Variants in KDM4A observed in about 807,000 individuals in gnomAD.
KDM4A encodes the protein lysine-specific demethylase 4A.
Under a neutral mutation model 127.1 loss-of-function variants are expected in KDM4A, and 23 were observed. The observed-to-expected ratio is 0.18, with a 90% CI of 0.13 to 0.26. KDM4A has a LOEUF of 0.26. Among genes scored for constraint, KDM4A ranks in the 10% least tolerant of loss-of-function variants. The probability of loss-of-function intolerance (pLI) is 1.00; values close to 1 mark genes in which losing one functional copy is unlikely to be tolerated. For missense variants in KDM4A, 890 were observed against 1,329.1 expected (o/e 0.67, Z 5.14); for synonymous variants, 443 against 466.5 (o/e 0.95, Z 0.65).
intron 12 of KDM4A, among the ~76,000 whole-genome samples, chr1:43,686,257 C>G (rs571102352): frequency 6.9e-6 from 1 of 144,670 alleles, no homozygotes; most frequent in Non-Finnish European, 1.5e-5. Context: ...CTCCTGGTCT[C>G]GAACTCCTGA....
In KDM4A at chr1:43,660,315, A is replaced by G; in HGVS notation, c.332A>G (p.Tyr111Cys). 1.9e-6 allele frequency: 3 copies of G among 1,614,124 alleles called. No individual in the cohort carries two copies. The highest frequency in any genetic ancestry group is 2.2e-5 in the South Asian group (2 of 91,070). The change falls in exon 4 of 22, where the codon TAT becomes TGT. Residue 111 changes from tyrosine (Y) to cysteine (C), a missense_variant. Transcript: ENST00000372396. ...TCAAAAAGGTACTGTACCCCACGCT[A>G]TAGTGAGTTTGAAGAGCTCGAGCGG... is the stretch of plus-strand genomic sequence containing the variant. Reference protein sequence around the residue: ...ANSDKYCTPRYSEFEELERKY... With the variant: ...ANSDKYCTPRCSEFEELERKY...
At position 43,690,709 on chromosome 1, in the gene KDM4A, G is replaced by A; in HGVS notation, c.2038-136G>A. 3.6e-6 allele frequency: 3 copies of A among 826,442 alleles called. No individual in the cohort carries two copies. The South Asian group carries it at 4.3e-5, about 12-fold the overall frequency. The allele number at this position is 826,442 out of a possible 1,614,324, so 51.2% of individuals were successfully genotyped here. On this transcript the variant is annotated intron_variant, in intron 13 of 21. Transcript: ENST00000372396. ...AGGTAACTTCAATTAGCAGCTCCGG[G>A]ATAATGGCTGTGCACCCGGGAGCTG... is the stretch of plus-strand genomic sequence containing the variant.
intron 3 of KDM4A, 33 bp from the exon 4 acceptor site, chr1:43,660,265 G>A: frequency 6.2e-7 from 1 of 1,601,432 alleles, no homozygotes; most frequent in Non-Finnish European, 8.5e-7. Flanking sequence ...ACCCCTGTAA[G>A]TGGTTTACAT....
chr1:43,685,812 A>G (rs1660961186), intron 12 of KDM4A, among the ~76,000 whole-genome samples: 1 of 152,064 alleles, frequency 6.6e-6, no homozygotes, highest in Admixed American at 6.6e-5. Context: ...GGTGGGGAAT[A>G]TCCCTTCTGT....
intron 10 of KDM4A, among the ~76,000 whole-genome samples, chr1:43,669,540 G>A (rs1660572394): frequency 6.6e-6 from 1 of 152,138 alleles, no homozygotes; most frequent in Non-Finnish European, 1.5e-5. Context: ...TTTTGGTGAA[G>A]GTGACTCTTA....
intron 2 of KDM4A, among the ~76,000 whole-genome samples, chr1:43,654,300 C>G: frequency 6.6e-6 from 1 of 152,252 alleles, no homozygotes; most frequent in East Asian, 1.9e-4. Context: ...CATCCACCTT[C>G]TCCAGTGCCG....
chr1:43,692,163 G>A, intron 15 of KDM4A, 93 bp from the exon 16 acceptor site: 1 of 1,078,742 alleles, frequency 9.3e-7, no homozygotes, highest in African/African-American at 1.5e-5. Context: ...TTTCTTATGT[G>A]GAGGAGTTGC....
chr1:43,702,941 G>A (rs1438999321), intron 19 of KDM4A, among the ~76,000 whole-genome samples: 1 of 151,882 alleles, frequency 6.6e-6, no homozygotes, highest in African/African-American at 2.4e-5. Flanking sequence ...TGAGGCAGGA[G>A]GATTGCTAGA....
At chr1:43,674,294 C>T (rs1404607958) in intron 11 of KDM4A, among the ~76,000 whole-genome samples, 1 of 152,122 alleles carries the variant, frequency 6.6e-6, no homozygotes, top group African/African-American at 2.4e-5. Flanking sequence ...CTTTGTATTA[C>T]TGCTTAATTA....
At chr1:43,687,040 G>A (rs1660999180) in intron 12 of KDM4A, among the ~76,000 whole-genome samples, 1 of 152,204 alleles carries the variant, frequency 6.6e-6, no homozygotes. Context: ...GTGTGAGCCT[G>A]CCTGTCTGTT....
chr1:43,691,147 T>C, intron 14 of KDM4A, 98 bp downstream of exon 14: 1 of 1,238,682 alleles, frequency 8.1e-7, no homozygotes, highest in East Asian at 2.3e-5. Flanking sequence ...CCCAAAAAGA[T>C]TGTTGATGTT....
intron 13 of KDM4A, chr1:43,690,499 C>T (rs919196488): frequency 2.0e-5 from 7 of 355,026 alleles, no homozygotes; most frequent in African/African-American, 4.2e-5. Flanking sequence ...CCACCCGCCT[C>T]GGCCTCCCGA....
intron 4 of KDM4A, among the ~76,000 whole-genome samples, chr1:43,661,124 G>T (rs1013577044): frequency 1.3e-5 from 2 of 151,942 alleles, no homozygotes; most frequent in Non-Finnish European, 2.9e-5. Context: ...ATAGGCATGC[G>T]CCACCATGCC....
intron 8 of KDM4A, 25 bp downstream of exon 8, chr1:43,667,116 T>A (rs781727889): frequency 3.7e-6 from 6 of 1,612,992 alleles, no homozygotes; most frequent in Non-Finnish European, 5.1e-6. Context: ...TTTCTTTCTA[T>A]AACACCATGA....
Position 43,697,994 on chromosome 1 carries a change from T to C in KDM4A, c.2822T>C (p.Leu941Pro). Residue 941 changes from leucine (L) to proline (P), a missense_variant, in exon 19 of 22, where the codon CTT becomes CCT. Leu to Pro is a moderately conservative substitution (Grantham distance 98). This residue lies in a region of KDM4A where 246 missense variants were observed against 418.4 expected (regional missense o/e 0.59). Transcript: ENST00000372396. ...NFDDGSFSDNLYPEDIVSQDC... is the reference protein window; with the variant it reads ...NFDDGSFSDNPYPEDIVSQDC... ...GATGATGGCTCCTTCAGCGACAATC[T>C]TTATCCTGAGGACATAGTGGTAATA... 1 of 1,613,704 alleles carries C rather than the reference T, an allele frequency of 6.2e-7. No homozygotes were observed. The highest frequency in any genetic ancestry group is 8.5e-7 in the Non-Finnish European group (1 of 1,179,966).
intron 4 of KDM4A, 72 bp downstream of exon 4, chr1:43,660,484 T>C: frequency 6.5e-6 from 10 of 1,528,034 alleles, no homozygotes; most frequent in Non-Finnish European, 8.8e-6. Flanking sequence ...GCCCGGCACG[T>C]AGTAGGCACC....
Position 43,704,559 on chromosome 1 carries a change from C to G in KDM4A, c.*189C>G, listed in dbSNP as rs1661499980. ...GCTGTAGTGAAAGGACGAGCCATTT[C>G]TGGGCACGTGGCAGCAGTCGCTGAT... On this transcript the variant is annotated 3_prime_UTR_variant, in exon 22 of 22. Transcript: ENST00000372396. 1 of 629,330 alleles carries G rather than the reference C, an allele frequency of 1.6e-6. No homozygotes were observed. The highest frequency in any genetic ancestry group is 2.7e-6 in the Non-Finnish European group (1 of 373,592). 39.0% of individuals were successfully genotyped at this position (629,330 alleles called of 1,614,324 possible).
chr1:43,686,428 C>T (rs1296234020), intron 12 of KDM4A, among the ~76,000 whole-genome samples: 2 of 151,840 alleles, frequency 1.3e-5, no homozygotes, highest in Non-Finnish European at 2.9e-5. Context: ...CCTCTGCCTC[C>T]TGGGTTCAAG....
chr1:43,660,472 C>T (rs76017264), intron 4 of KDM4A, 60 bp downstream of exon 4: 133,040 of 1,536,014 alleles, frequency 0.087, 6,966 homozygotes, highest in African/African-American at 0.24. Flanking sequence ...ACCTTTTTTT[C>T]GGCCCGGCAC....
Sources: allele counts gnomAD v4.1 joint callset (sites outside exome capture counted in the v4.1 genomes callset), GRCh38; gene constraint gnomAD v4.1.1; regional missense constraint gnomAD v4.1.1; transcripts MANE v1.5; gene names NCBI Gene and HGNC (gene_info 2026-07-23, HGNC 2026-07-21).